TMEM132D: variants seen among roughly 807,000 people sequenced by gnomAD.
TMEM132D encodes the protein transmembrane protein 132D, also known as mature OL transmembrane protein.
In TMEM132D, 21 loss-of-function variants were observed where a neutral mutation model predicts 62.3. The ratio of observed to expected loss-of-function variants is 0.34; its 90% CI spans 0.24 to 0.49. TMEM132D has a LOEUF of 0.49. TMEM132D is among the 20% of genes least tolerant of loss of function. TMEM132D has a pLI of 0.99. For missense variants in TMEM132D, 1,346 were observed against 1,402.8 expected (o/e 0.96, Z 0.65); for synonymous variants, 621 against 575.6 (o/e 1.08, Z -1.13).
At chr12:129,417,039 G>A (rs1423302185) in intron 3 of TMEM132D, among the ~76,000 whole-genome samples, 2 of 152,112 alleles carry the variant, frequency 1.3e-5, no homozygotes, top group African/African-American at 4.8e-5. Context: ...CCAGGTTTTG[G>A]TATCAGAATG....
chr12:129,225,766 G>A (rs1879465993), intron 4 of TMEM132D, among the ~76,000 whole-genome samples: 1 of 152,160 alleles, frequency 6.6e-6, no homozygotes. Flanking sequence ...AGAGAGAGAG[G>A]AAGAGGAGGG....
chr12:129,298,380 T>C (rs1192081778), intron 4 of TMEM132D, among the ~76,000 whole-genome samples: 2 of 152,236 alleles, frequency 1.3e-5, no homozygotes, highest in Non-Finnish European at 2.9e-5. Flanking sequence ...AGTTTGATAT[T>C]TTGATACATA....
At chr12:129,363,517 T>C (rs903421787) in intron 3 of TMEM132D, among the ~76,000 whole-genome samples, 6 of 152,232 alleles carry the variant, frequency 3.9e-5, no homozygotes, top group Non-Finnish European at 7.3e-5. Flanking sequence ...CCATCTGATA[T>C]GACAAATGAA....
chr12:129,699,703 C>T (rs1593125557), intron 2 of TMEM132D, 107 bp downstream of exon 2: 7 of 1,393,902 alleles, frequency 5.0e-6, no homozygotes, highest in Non-Finnish European at 6.9e-6. Flanking sequence ...ACGGGAAGGC[C>T]GGCTCTACTT....
At chr12:129,894,225 C>T (rs904648379) in intron 1 of TMEM132D, among the ~76,000 whole-genome samples, 6 of 152,188 alleles carry the variant, frequency 3.9e-5, no homozygotes, top group African/African-American at 1.4e-4. Context: ...GGCAAGAGAG[C>T]GTGTGGAGGA....
intron 4 of TMEM132D, among the ~76,000 whole-genome samples, chr12:129,243,875 C>T (rs1400476377): frequency 2.0e-4 from 30 of 152,196 alleles, no homozygotes; most frequent in Admixed American, 2.0e-3. Context: ...ATTAATGCTA[C>T]ATCTTGGCAT....
At chr12:129,633,215 A>C (rs546281543) in intron 2 of TMEM132D, among the ~76,000 whole-genome samples, 113 of 152,288 alleles carry the variant, frequency 7.4e-4, no homozygotes, top group African/African-American at 2.6e-3. Context: ...ATTTTTCTCC[A>C]ATGTTTCATA....
At chr12:129,422,591 C>A (rs528023285) in intron 3 of TMEM132D, among the ~76,000 whole-genome samples, 1 of 152,246 alleles carries the variant, frequency 6.6e-6, no homozygotes, top group South Asian at 2.1e-4. Context: ...CAATGTCAGG[C>A]AAATAAATTG....
intron 5 of TMEM132D, among the ~76,000 whole-genome samples, chr12:129,088,995 C>T: frequency 2.4e-5 from 1 of 41,208 alleles, no homozygotes; most frequent in Non-Finnish European, 3.9e-5. Context: ...ACCGGGGTGT[C>T]CTCTATGACC....
chr12:129,585,544 G>C (rs1159038394), intron 2 of TMEM132D, among the ~76,000 whole-genome samples: 1 of 152,232 alleles, frequency 6.6e-6, no homozygotes, highest in African/African-American at 2.4e-5. Context: ...TTATTGGCAT[G>C]TAAGGAGCTG....
intron 1 of TMEM132D, among the ~76,000 whole-genome samples, chr12:129,767,407 A>T (rs1277008784): frequency 6.6e-6 from 1 of 152,188 alleles, no homozygotes; most frequent in African/African-American, 2.4e-5. Context: ...CAGTATATTC[A>T]TATTGCTGTG....
At chr12:129,207,127 A>AC (rs1878871997) in intron 5 of TMEM132D, among the ~76,000 whole-genome samples, 1 of 152,150 alleles carries the variant, frequency 6.6e-6, no homozygotes, top group African/African-American at 2.4e-5. Flanking sequence ...AACACACAAA[A>AC]AGAAAAAAAC....
intron 3 of TMEM132D, among the ~76,000 whole-genome samples, chr12:129,447,606 A>G (rs1873139046): frequency 6.6e-6 from 1 of 152,220 alleles, no homozygotes; most frequent in African/African-American, 2.4e-5. Context: ...AATGATGGGA[A>G]AAAAAGCTGA....
At chr12:129,819,229 C>CCG (rs201960311) in intron 1 of TMEM132D, among the ~76,000 whole-genome samples, 14,383 of 151,856 alleles carry the variant, frequency 0.095, 790 homozygotes, top group East Asian at 0.16. Context: ...TTCTACCTAC[C>CCG]CCACAGTGCC....
chr12:129,279,189 A>G (rs563546584), intron 4 of TMEM132D, among the ~76,000 whole-genome samples: 3 of 152,354 alleles, frequency 2.0e-5, no homozygotes, highest in Admixed American at 2.0e-4. Flanking sequence ...GCAGTTTTCA[A>G]TTTAAAGGGA....
intron 4 of TMEM132D, among the ~76,000 whole-genome samples, chr12:129,218,238 T>C (rs763185204): frequency 4.3e-4 from 66 of 152,204 alleles, no homozygotes; most frequent in Non-Finnish European, 8.8e-4. Flanking sequence ...TTAAAAATGT[T>C]AGGTAGTGAG....
chr12:129,607,419 G>A (rs1045077485), intron 2 of TMEM132D, among the ~76,000 whole-genome samples: 6 of 152,160 alleles, frequency 3.9e-5, no homozygotes, highest in African/African-American at 7.2e-5. Context: ...TTGCTCCCAC[G>A]GTCAGGGCTG....
intron 4 of TMEM132D, among the ~76,000 whole-genome samples, chr12:129,243,012 G>A (rs548424237): frequency 6.6e-6 from 1 of 150,834 alleles, no homozygotes; most frequent in African/African-American, 2.4e-5. Flanking sequence ...CATTGCTAAT[G>A]GATCCCATTT....
chr12:129,550,645 G>A (rs571386371), intron 2 of TMEM132D, among the ~76,000 whole-genome samples: 1 of 152,298 alleles, frequency 6.6e-6, no homozygotes, highest in Non-Finnish European at 1.5e-5. Context: ...TGCTAAACTG[G>A]TTGTAAACTA....
Sources: gnomAD v4.1 joint callset for allele counts (sites outside exome capture counted in the v4.1 genomes callset) on GRCh38, gnomAD v4.1.1 for gene constraint, MANE v1.5 for transcripts, NCBI Gene and HGNC (gene_info 2026-07-23, HGNC 2026-07-21) for gene names.